Variants in GRID2 observed in about 807,000 individuals in gnomAD.
GRID2 encodes the protein glutamate receptor ionotropic, delta-2.
In GRID2, 33 loss-of-function variants were observed where a neutral mutation model predicts 114.8. The observed-to-expected ratio is 0.29, with a 90% CI of 0.22 to 0.38. The LOEUF is 0.38. GRID2 is among the 10% of genes least tolerant of loss of function. The pLI, the probability that GRID2 is intolerant of heterozygous loss-of-function variation, is 1.00. For synonymous variants in GRID2, 505 were observed against 449.9 expected, an observed-to-expected ratio of 1.12 and a Z score of -1.55; for missense variants, 1,184 against 1,257.7, an observed-to-expected ratio of 0.94 and a Z score of 0.89.
intron 2 of GRID2, among the ~76,000 whole-genome samples, chr4:92,668,241 C>T (rs185126316): frequency 0.038 from 5,755 of 151,786 alleles, 157 homozygotes; most frequent in Non-Finnish European, 0.058. Flanking sequence ...TTATTTCCAG[C>T]TTTTTTGGCT....
At position 92,935,043 on chromosome 4, in the gene GRID2, C is replaced by G. The variant is rs1188692365; in HGVS notation, c.245-149952C>G. On this transcript the variant is annotated intron_variant, in intron 2 of 15. Transcript: ENST00000282020. ...AAAAGCCAAAATTGACAAATGGGAT[C>G]TAATTAAACTAAAGAGCTTCTGCAC... Among the ~76,000 whole-genome samples the G allele has an allele frequency of 4.1e-5, 6 of 146,514 alleles. 1 individual carries two copies. The highest frequency in any genetic ancestry group is 9.1e-5 in the Non-Finnish European group (6 of 66,230).
At chr4:93,514,352 T>C (rs1302896993) in intron 12 of GRID2, among the ~76,000 whole-genome samples, 4 of 151,916 alleles carry the variant, frequency 2.6e-5, no homozygotes, top group Non-Finnish European at 4.4e-5. Context: ...ATTCTGAATA[T>C]GTTTTCAGCT....
chr4:93,732,207 A>G (rs1256360857), intron 14 of GRID2, among the ~76,000 whole-genome samples: 1 of 152,178 alleles, frequency 6.6e-6, no homozygotes, highest in Non-Finnish European at 1.5e-5. Context: ...AGTGAGGCCT[A>G]TGTAAGAGGA....
At chr4:92,679,806 C>A (rs1733556648) in intron 2 of GRID2, among the ~76,000 whole-genome samples, 1 of 151,616 alleles carries the variant, frequency 6.6e-6, no homozygotes, top group Non-Finnish European at 1.5e-5. Context: ...GTCATTAGTA[C>A]CACTAATAGA....
intron 2 of GRID2, among the ~76,000 whole-genome samples, chr4:92,676,170 C>CCCCCCT (rs1491203329): frequency 6.0e-5 from 3 of 49,820 alleles, no homozygotes; most frequent in African/African-American, 2.3e-4. Flanking sequence ...CCCCCCCCCC[C>CCCCCCT]TTTTTTTTTT....
chr4:93,260,416 T>G (rs767345699), intron 8 of GRID2, among the ~76,000 whole-genome samples: 7 of 150,942 alleles, frequency 4.6e-5, no homozygotes, highest in Non-Finnish European at 8.9e-5. Context: ...AATATTAAAA[T>G]AACAAGATAA....
Position 93,718,052 on chromosome 4 carries a change from G to A in GRID2, c.2361-51158G>A, listed in dbSNP as rs189916477. On this transcript the variant is annotated intron_variant, in intron 14 of 15. Coordinates refer to ENST00000282020, the MANE Select transcript of GRID2 (RefSeq NM_001510.4). The stretch of plus-strand genomic sequence containing the variant: ...AGGCGGATCACGAGGTCAGGAGATC[G>A]AGACCATCCTGGCTAACACAGTGAA... Among the ~76,000 whole-genome samples, 4 of 152,238 alleles carry A rather than the reference G, an allele frequency of 2.6e-5. No homozygotes were observed. In the South Asian group the frequency reaches 6.2e-4, roughly 24 times the overall value.
At chr4:93,789,833 G>C (rs1044415469) in intron 1 of GRID2, among the ~76,000 whole-genome samples, 1 of 152,070 alleles carries the variant, frequency 6.6e-6, no homozygotes, top group African/African-American at 2.4e-5. Context: ...CCCAATCCCC[G>C]GGCCATGGGC....
chr4:92,814,564 A>T (rs1454035617), intron 2 of GRID2, among the ~76,000 whole-genome samples: 1 of 152,124 alleles, frequency 6.6e-6, no homozygotes, highest in Non-Finnish European at 1.5e-5. Flanking sequence ...TAAGTCACCC[A>T]TAGGGAGGAT....
chr4:93,066,095 C>T lies in GRID2; in HGVS notation c.245-18900C>T, dbSNP rs1728268170. On this transcript the variant is annotated intron_variant, in intron 2 of 15. Coordinates refer to ENST00000282020, the MANE Select transcript of GRID2 (RefSeq NM_001510.4). ...AGTTACACTGCTAAAAAGCATAGAA[C>T]CAGAGTTAATACTCAGGCATTCTAG... Among the ~76,000 whole-genome samples the T allele has an allele frequency of 2.0e-5, 3 of 151,944 alleles. 1 individual carries two copies. In the South Asian group the frequency reaches 6.2e-4, roughly 32 times the overall value.
chr4:92,783,899 A>C (rs1739200738), intron 2 of GRID2, among the ~76,000 whole-genome samples: 1 of 152,018 alleles, frequency 6.6e-6, no homozygotes, highest in Admixed American at 6.6e-5. Flanking sequence ...ATTAAAAAAA[A>C]AGTCTATAAC....
intron 2 of GRID2, among the ~76,000 whole-genome samples, chr4:92,745,321 T>TA (rs1456033963): frequency 1.3e-5 from 2 of 152,218 alleles, no homozygotes; most frequent in African/African-American, 2.4e-5. Flanking sequence ...TCATTTGATT[T>TA]AGAGTATTTC....
intron 13 of GRID2, among the ~76,000 whole-genome samples, chr4:93,518,082 TAC>T (rs1553945031): frequency 6.8e-6 from 1 of 147,698 alleles, no homozygotes; most frequent in East Asian, 2.0e-4. Context: ...CATATATATA[TAC>T]ACACACTATA....
intron 1 of GRID2, among the ~76,000 whole-genome samples, chr4:92,388,233 G>T (rs1210349360): frequency 6.6e-6 from 1 of 151,990 alleles, no homozygotes; most frequent in African/African-American, 2.4e-5. Context: ...AGGTGGAGGG[G>T]TTTTAACCTT....
chr4:92,478,388 T>G (rs890367839), intron 1 of GRID2, among the ~76,000 whole-genome samples: 7 of 152,086 alleles, frequency 4.6e-5, no homozygotes, highest in Non-Finnish European at 8.8e-5. Flanking sequence ...TAAAATTGCA[T>G]TTTAGTAGCA....
chr4:92,883,348 T>A (rs1350225953), intron 2 of GRID2, among the ~76,000 whole-genome samples: 1 of 152,194 alleles, frequency 6.6e-6, no homozygotes, highest in African/African-American at 2.4e-5. Flanking sequence ...CCACAGTTAT[T>A]TTCTCCACTG....
intron 14 of GRID2, among the ~76,000 whole-genome samples, chr4:93,631,765 G>A (rs897063398): frequency 6.6e-6 from 1 of 152,146 alleles, no homozygotes; most frequent in African/African-American, 2.4e-5. Context: ...GGTATTTCTA[G>A]TTCTAGATCC....
intron 1 of GRID2, among the ~76,000 whole-genome samples, chr4:93,796,012 C>A (rs11097387): frequency 0.35 from 53,817 of 151,954 alleles, 10,165 homozygotes; most frequent in Middle Eastern, 0.51. Context: ...TGGAAGAATT[C>A]AGTTCCTTGC....
chr4:92,453,324 A>C (rs968281323), intron 1 of GRID2, among the ~76,000 whole-genome samples: 2 of 152,156 alleles, frequency 1.3e-5, no homozygotes, highest in Admixed American at 6.6e-5. Flanking sequence ...TCATTGTGCC[A>C]AAGTTGCCTG....
Sources: allele counts gnomAD v4.1 joint callset (sites outside exome capture counted in the v4.1 genomes callset), GRCh38; gene constraint gnomAD v4.1.1; transcripts MANE v1.5; gene names NCBI Gene and HGNC (gene_info 2026-07-23, HGNC 2026-07-21).